QKI: variants seen among roughly 807,000 people sequenced by gnomAD.
QKI encodes the protein QKI, KH domain containing RNA binding, also known as KH domain-containing RNA-binding protein QKI.
In QKI, 10 loss-of-function variants were observed where a neutral mutation model predicts 39.0. That is an observed-to-expected ratio of 0.26 (90% CI 0.16 to 0.43). The LOEUF (loss-of-function observed/expected upper bound fraction) is 0.43, where lower values mean the gene tolerates loss of function less well. QKI is among the 20% of genes least tolerant of loss of function. QKI has a pLI of 1.00. For synonymous variants in QKI, 204 were observed against 155.4 expected, an observed-to-expected ratio of 1.31 and a Z score of -2.33; for missense variants, 218 against 428.0, an observed-to-expected ratio of 0.51 and a Z score of 4.33.
chr6:163,472,157 TA>T (rs1792249004), intron 2 of QKI, among the ~76,000 whole-genome samples: 1 of 152,160 alleles, frequency 6.6e-6, no homozygotes, highest in Non-Finnish European at 1.5e-5. Context: ...ACCGATAACA[TA>T]AACAGTTGAT....
At chr6:163,488,557 G>A (rs1777830375) in intron 3 of QKI, among the ~76,000 whole-genome samples, 1 of 151,878 alleles carries the variant, frequency 6.6e-6, no homozygotes, top group African/African-American at 2.4e-5. Flanking sequence ...TGATTCATTT[G>A]CTTTATTTCA....
intron 6 of QKI, chr6:163,564,751 A>T (rs1320122811): frequency 1.2e-6 from 2 of 1,613,746 alleles, no homozygotes; most frequent in Non-Finnish European, 1.7e-6. Context: ...CTGTTATAAC[A>T]CGACCAGTCA....
intron 4 of QKI, among the ~76,000 whole-genome samples, chr6:163,559,913 G>A (rs1782890462): frequency 1.3e-5 from 2 of 152,108 alleles, no homozygotes; most frequent in Admixed American, 6.5e-5. Flanking sequence ...TACTTTCATT[G>A]TAAATATCAC....
chr6:163,464,618 C>T (rs2128221513), intron 2 of QKI, among the ~76,000 whole-genome samples: 1 of 152,236 alleles, frequency 6.6e-6, no homozygotes, highest in East Asian at 1.9e-4. Flanking sequence ...AAACATACAA[C>T]CTATCAGGAC....
intron 4 of QKI, among the ~76,000 whole-genome samples, chr6:163,537,052 T>G (rs1781251004): frequency 6.6e-6 from 1 of 151,964 alleles, no homozygotes; most frequent in Non-Finnish European, 1.5e-5. Context: ...TACAAAAAAT[T>G]TAAAAAGTAG....
chr6:163,568,347 G>A (rs947970280), intron 7 of QKI: 1 of 985,300 alleles, frequency 1.0e-6, no homozygotes, highest in Non-Finnish European at 1.2e-6. Context: ...TAATACTCCA[G>A]TGCCTTGAGA....
intron 1 of QKI, among the ~76,000 whole-genome samples, chr6:163,426,415 G>A (rs1353790991): frequency 1.3e-5 from 2 of 152,132 alleles, no homozygotes; most frequent in Non-Finnish European, 2.9e-5. Flanking sequence ...ACATCAGGAG[G>A]CACAGTAACT....
At chr6:163,495,249 A>T (rs1307470632) in intron 3 of QKI, among the ~76,000 whole-genome samples, 1 of 152,108 alleles carries the variant, frequency 6.6e-6, no homozygotes, top group Non-Finnish European at 1.5e-5. Flanking sequence ...ACACATATAA[A>T]ACTGAATTAT....
intron 3 of QKI, among the ~76,000 whole-genome samples, chr6:163,502,341 C>A (rs1159069489): frequency 6.6e-6 from 1 of 151,966 alleles, no homozygotes; most frequent in Non-Finnish European, 1.5e-5. Context: ...ACAAAACAAA[C>A]AAACAAACAA....
At chr6:163,488,329 C>CAA (rs1278631126) in intron 3 of QKI, among the ~76,000 whole-genome samples, 2 of 146,688 alleles carry the variant, frequency 1.4e-5, no homozygotes, top group African/African-American at 2.5e-5. Context: ...CAAAAAGTGA[C>CAA]AAAAAAAAAG....
At chr6:163,569,089 C>T (rs1266433570) in intron 7 of QKI, 2 of 941,960 alleles carry the variant, frequency 2.1e-6, no homozygotes, top group South Asian at 4.9e-5. Flanking sequence ...ATCAAAAATG[C>T]TTTAAGATTC....
At chr6:163,563,882 C>T (rs957294881) in intron 6 of QKI, 163 bp downstream of exon 6, 17 of 1,422,876 alleles carry the variant, frequency 1.2e-5, no homozygotes, top group Non-Finnish European at 1.6e-5. Context: ...ATAAGGGTTC[C>T]CCTTTGAAAT....
intron 3 of QKI, among the ~76,000 whole-genome samples, chr6:163,508,700 T>C (rs1779254059): frequency 6.6e-6 from 1 of 151,760 alleles, no homozygotes; most frequent in Non-Finnish European, 1.5e-5. Context: ...CAGCTAATTT[T>C]TGTATTTTAG....
rs1230482129 is a variant in QKI at position 163,571,239 on chromosome 6, GT to G, written c.*532del. On this transcript the variant is annotated 3_prime_UTR_variant, in exon 8 of 8. Coordinates refer to ENST00000361752, the MANE Select transcript of QKI (RefSeq NM_006775.3). ...AAAAGTATTCAAAATTTGATATGCT[GT>G]TTAGTCACTACAGTGCCCTCAAAGG... The G allele has an allele frequency of 1.3e-5, 2 of 152,182 alleles. No individual in the cohort carries two copies. Among genetic ancestry groups the G allele is most frequent in the Non-Finnish European group, 2.9e-5 (2 of 68,054 alleles). The allele number at this position is 152,182 out of a possible 1,614,324, so 9.4% of individuals were successfully genotyped here.
intron 2 of QKI, chr6:163,457,475 G>A (rs1313546951): frequency 6.6e-6 from 3 of 455,804 alleles, no homozygotes; most frequent in African/African-American, 6.0e-5. Context: ...ACAGTCCTTG[G>A]ACCATAGTAT....
intron 1 of QKI, among the ~76,000 whole-genome samples, chr6:163,439,369 A>C (rs1472064507): frequency 1.0e-5 from 1 of 99,836 alleles, no homozygotes; most frequent in Non-Finnish European, 2.0e-5. Flanking sequence ...GGGGTGGGGG[A>C]CGGAGTCTCA....
rs567583761 is a variant in QKI at position 163,546,612 on chromosome 6, A to G, written c.546+11487A>G. On this transcript the variant is annotated intron_variant, in intron 4 of 7. Coordinates refer to ENST00000361752, the MANE Select transcript of QKI (RefSeq NM_006775.3). ...AACTCATATTTAATTTTTCTTTACT[A>G]CATTTCAAATGTTTTAGTGTTTTGA... 3.9e-5 allele frequency among the ~76,000 whole-genome samples: 6 copies of G among 152,106 alleles called. No homozygotes were observed. The East Asian group carries it at 9.7e-4, about 24-fold the overall frequency.
chr6:163,498,201 A>AAAAT, intron 3 of QKI, among the ~76,000 whole-genome samples: 1 of 151,638 alleles, frequency 6.6e-6, no homozygotes, highest in South Asian at 2.1e-4. Flanking sequence ...AAAAAAAAAA[A>AAAAT]AAAAATGTAT....
At chr6:163,523,724 T>G (rs1225256029) in intron 3 of QKI, among the ~76,000 whole-genome samples, 1 of 152,188 alleles carries the variant, frequency 6.6e-6, no homozygotes, top group Non-Finnish European at 1.5e-5. Flanking sequence ...GATGAAAATA[T>G]CATAAAAGAT....
Sources: gnomAD v4.1 joint callset for allele counts (sites outside exome capture counted in the v4.1 genomes callset) on GRCh38, gnomAD v4.1.1 for gene constraint, MANE v1.5 for transcripts, NCBI Gene and HGNC (gene_info 2026-07-23, HGNC 2026-07-21) for gene names.